Variants in LARP1B observed in about 807,000 individuals in gnomAD.
LARP1B encodes the protein La ribonucleoprotein 1B.
LARP1B carries 76 observed loss-of-function variants against 114.2 expected under a neutral mutation model. That is an observed-to-expected ratio of 0.67 (90% confidence interval 0.55 to 0.81). LARP1B has a LOEUF of 0.81. Among genes scored for constraint, LARP1B ranks in the 30% least tolerant of loss-of-function variants. LARP1B has a pLI of 0.00. For missense variants in LARP1B, 1,014 were observed against 1,075.8 expected (o/e 0.94, Z 0.80); for synonymous variants, 345 against 348.0 (o/e 0.99, Z 0.10).
intron 8 of LARP1B, among the ~76,000 whole-genome samples, chr4:128,106,472 G>A (rs1782127077): frequency 6.6e-6 from 1 of 151,956 alleles, no homozygotes; most frequent in African/African-American, 2.4e-5. Context: ...CTGTATTTCA[G>A]TGAGAAGTTA....
In LARP1B at chr4:128,061,400, AG is replaced by A. The variant is rs1337718449; in HGVS notation, c.-78+1del. 1 of 152,726 alleles carries A rather than the reference AG, an allele frequency of 6.5e-6. No homozygotes were observed. The highest frequency in any genetic ancestry group is 2.4e-5 in the African/African-American group (1 of 41,386). The allele number at this position is 152,726 out of a possible 1,614,324, so 9.5% of individuals were successfully genotyped here. Reference sequence around the variant, plus strand: ...TGCGCCTCCGCGGCTGCCCTGCGCCAGGTGAGGGCTCGCGGCTCCCGGCTGC... The same window carrying A: ...TGCGCCTCCGCGGCTGCCCTGCGCCAGTGAGGGCTCGCGGCTCCCGGCTGC... On this transcript the variant is annotated splice_region_variant and 5_prime_UTR_variant, in exon 1 of 20. Coordinates refer to ENST00000326639, the MANE Select transcript of LARP1B (RefSeq NM_018078.4).
chr4:128,204,426 A>G (rs1315028314), intron 17 of LARP1B, among the ~76,000 whole-genome samples: 1 of 152,092 alleles, frequency 6.6e-6, no homozygotes, highest in Non-Finnish European at 1.5e-5. Flanking sequence ...AGACCGAGGT[A>G]GGTGGATCAC....
At position 128,086,009 on chromosome 4, in the gene LARP1B, CTTTTTT is replaced by C. The variant is rs143345158; in HGVS notation, c.358+3721_358+3726del. ...TGGCTGATTGCTTTGTCATGGTATT[CTTTTTT>C]TTTTTTTTTTTTTTTTGAGACTGAG... On this transcript the variant is annotated intron_variant, in intron 5 of 19. Coordinates refer to ENST00000326639, the MANE Select transcript of LARP1B (RefSeq NM_018078.4). Among the ~76,000 whole-genome samples, 5 of 91,272 alleles carry C rather than the reference CTTTTTT, an allele frequency of 5.5e-5. No homozygotes were observed. The South Asian group carries it at 1.3e-3, about 23-fold the overall frequency. The allele number at this position is 91,272 out of a possible 152,430, so 59.9% of individuals were successfully genotyped here.
At chr4:128,129,601 A>G (rs546423205) in intron 11 of LARP1B, among the ~76,000 whole-genome samples, 2 of 152,300 alleles carry the variant, frequency 1.3e-5, no homozygotes, top group African/African-American at 2.4e-5. Flanking sequence ...TGAAAATTGG[A>G]AGACGACACT....
chr4:128,147,616 C>T (rs746812391), intron 11 of LARP1B, among the ~76,000 whole-genome samples: 2 of 152,072 alleles, frequency 1.3e-5, no homozygotes, highest in Non-Finnish European at 1.5e-5. Flanking sequence ...AGAACAGTGG[C>T]TGAAGAAAAT....
chr4:128,083,427 C>T (rs908656868), intron 5 of LARP1B, among the ~76,000 whole-genome samples: 8 of 150,280 alleles, frequency 5.3e-5, no homozygotes, highest in Non-Finnish European at 8.9e-5. Flanking sequence ...CCGGACGGGG[C>T]GGCTGGCCGG....
At chr4:128,078,209 G>A (rs1247404683) in intron 4 of LARP1B, among the ~76,000 whole-genome samples, 1 of 152,162 alleles carries the variant, frequency 6.6e-6, no homozygotes, top group African/African-American at 2.4e-5. Context: ...TACAGTTGTA[G>A]ATACATTCTT....
intron 11 of LARP1B, among the ~76,000 whole-genome samples, chr4:128,152,266 C>T (rs888655553): frequency 6.7e-6 from 1 of 148,248 alleles, no homozygotes; most frequent in African/African-American, 2.5e-5. Flanking sequence ...TGCAGTGGCG[C>T]AATCTCGGCT....
intron 1 of LARP1B, among the ~76,000 whole-genome samples, chr4:128,072,857 CTGTATATATAAAATTA>C (rs1765914403): frequency 6.6e-6 from 1 of 152,138 alleles, no homozygotes; most frequent in Admixed American, 6.6e-5. Context: ...TGAGCCTGGC[CTGTATATATAAAATTA>C]TATTTAAAAC....
chr4:128,142,297 G>A (rs1022370015), intron 11 of LARP1B, among the ~76,000 whole-genome samples: 1 of 152,062 alleles, frequency 6.6e-6, no homozygotes, highest in Admixed American at 6.6e-5. Context: ...TTTGAAAACT[G>A]TAAAAAACTG....
At chr4:128,196,719 G>A in intron 15 of LARP1B, among the ~76,000 whole-genome samples, 1 of 151,518 alleles carries the variant, frequency 6.6e-6, no homozygotes, top group East Asian at 1.9e-4. Flanking sequence ...CAAAAGTATT[G>A]AAAACACATA....
chr4:128,091,277 T>C, intron 6 of LARP1B, 70 bp from the exon 7 acceptor site: 2 of 1,514,400 alleles, frequency 1.3e-6, no homozygotes, highest in Non-Finnish European at 1.8e-6. Flanking sequence ...TTTGAAGTTC[T>C]TCACTTTATC....
At chr4:128,204,855 A>G (rs1038946114) in intron 17 of LARP1B, among the ~76,000 whole-genome samples, 4 of 98,168 alleles carry the variant, frequency 4.1e-5, no homozygotes, top group African/African-American at 1.2e-4. Context: ...TACCCACAAA[A>G]ATTTTAAAAA....
At chr4:128,093,218 G>A (rs1395158514) in intron 7 of LARP1B, among the ~76,000 whole-genome samples, 1 of 152,090 alleles carries the variant, frequency 6.6e-6, no homozygotes, top group South Asian at 2.1e-4. Flanking sequence ...TGAAGGAGTC[G>A]TGCTTTTTAC....
At chr4:128,163,551 A>G (rs1739434414) in intron 12 of LARP1B, among the ~76,000 whole-genome samples, 1 of 152,142 alleles carries the variant, frequency 6.6e-6, no homozygotes, top group Admixed American at 6.5e-5. Context: ...TACTTTTATA[A>G]AGAGAACTTT....
At chr4:128,084,540 A>C (rs183954075) in intron 5 of LARP1B, among the ~76,000 whole-genome samples, 2 of 151,878 alleles carry the variant, frequency 1.3e-5, no homozygotes, top group African/African-American at 2.4e-5. Context: ...CAGGAGAATC[A>C]GGCAGGGAGG....
chr4:128,145,915 C>T (rs539324936), intron 11 of LARP1B, among the ~76,000 whole-genome samples: 4 of 152,290 alleles, frequency 2.6e-5, no homozygotes, highest in Admixed American at 1.3e-4. Flanking sequence ...CCCATTACAT[C>T]ATAAAATTAA....
intron 1 of LARP1B, among the ~76,000 whole-genome samples, chr4:128,073,789 C>T (rs987606781): frequency 1.3e-5 from 2 of 151,408 alleles, no homozygotes; most frequent in Non-Finnish European, 2.9e-5. Flanking sequence ...TGGGGTTTCA[C>T]CATGTTGGCC....
chr4:128,072,402 T>A (rs1004564658), intron 1 of LARP1B, among the ~76,000 whole-genome samples: 1 of 152,210 alleles, frequency 6.6e-6, no homozygotes, highest in African/African-American at 2.4e-5. Flanking sequence ...AGATATGTTT[T>A]AAATTTTTAA....
Sources: gnomAD v4.1 joint callset for allele counts (sites outside exome capture counted in the v4.1 genomes callset) on GRCh38, gnomAD v4.1.1 for gene constraint, MANE v1.5 for transcripts, NCBI Gene and HGNC (gene_info 2026-07-23, HGNC 2026-07-21) for gene names.